Variants in COP1 observed in about 807,000 individuals in gnomAD.
The protein encoded by COP1 is COP1 E3 ubiquitin ligase.
COP1 carries 24 observed loss-of-function variants against 101.3 expected under a neutral mutation model. The ratio of observed to expected loss-of-function variants is 0.24; its 90% CI spans 0.17 to 0.33. The LOEUF (loss-of-function observed/expected upper bound fraction) is 0.33, where lower values mean the gene tolerates loss of function less well. COP1 is among the 10% of genes least tolerant of loss of function. The probability of loss-of-function intolerance (pLI) is 1.00; values close to 1 mark genes in which losing one functional copy is unlikely to be tolerated. For missense variants in COP1, 663 were observed against 906.2 expected, an observed-to-expected ratio of 0.73 and a Z score of 3.45; for synonymous variants, 347 against 341.9, an observed-to-expected ratio of 1.01 and a Z score of -0.17.
At chr1:176,146,871 TA>T (rs5778890) in intron 6 of COP1, among the ~76,000 whole-genome samples, 9,979 of 152,180 alleles carry the variant, frequency 0.066, 446 homozygotes, top group Non-Finnish European at 0.087. Flanking sequence ...GGAGAATCAG[TA>T]GGAAAAAATA....
At position 176,124,750 on chromosome 1, in the gene COP1, T is replaced by C. The variant is rs115357892; in HGVS notation, c.969-8069A>G. ...AAACATGGGAATGCAGATAACTCTT[T>C]CATGTATACGTTTCCTTTCTTTTGG... On this transcript the variant is annotated intron_variant, in intron 8 of 19. Coordinates refer to ENST00000367669, the MANE Select transcript of COP1 (RefSeq NM_022457.7). Among the ~76,000 whole-genome samples the C allele has an allele frequency of 3.0e-3, 456 of 152,306 alleles. 2 individuals carry two copies. The highest frequency in any genetic ancestry group is 0.01 in the African/African-American group (429 of 41,558).
At chr1:176,091,548 T>C (rs1040322884) in intron 9 of COP1, among the ~76,000 whole-genome samples, 5 of 152,058 alleles carry the variant, frequency 3.3e-5, no homozygotes, top group African/African-American at 9.7e-5. Flanking sequence ...CAAGTAACAA[T>C]ATATAAGTCA....
At chr1:176,167,327 T>C (rs1269835546) in intron 3 of COP1, among the ~76,000 whole-genome samples, 4 of 152,188 alleles carry the variant, frequency 2.6e-5, no homozygotes, top group South Asian at 4.1e-4. Flanking sequence ...ATTTATACTA[T>C]AGATTAAAGC....
At chr1:176,095,558 T>G (rs1411921483) in intron 9 of COP1, among the ~76,000 whole-genome samples, 4 of 152,118 alleles carry the variant, frequency 2.6e-5, no homozygotes, top group African/African-American at 9.7e-5. Flanking sequence ...GGCATACACC[T>G]GCAGTCCCAG....
intron 6 of COP1, among the ~76,000 whole-genome samples, chr1:176,140,552 G>C (rs1254769259): frequency 6.6e-6 from 1 of 152,120 alleles, no homozygotes; most frequent in African/African-American, 2.4e-5. Context: ...TTTAGTACTA[G>C]TAAATAGAAA....
At chr1:176,157,771 G>C (rs1011435052) in intron 5 of COP1, among the ~76,000 whole-genome samples, 1 of 152,090 alleles carries the variant, frequency 6.6e-6, no homozygotes, top group Non-Finnish European at 1.5e-5. Flanking sequence ...TAAGAAACAA[G>C]CATGCAAAGA....
At chr1:176,000,635 T>TA (rs1571547032) in intron 15 of COP1, among the ~76,000 whole-genome samples, 20 of 151,866 alleles carry the variant, frequency 1.3e-4, no homozygotes, top group Admixed American at 9.8e-4. Context: ...GTAAATATTT[T>TA]TAAAAAAATG....
At chr1:176,081,854 CAA>C (rs1207985226) in intron 10 of COP1, among the ~76,000 whole-genome samples, 5 of 151,804 alleles carry the variant, frequency 3.3e-5, no homozygotes, top group Non-Finnish European at 7.4e-5. Flanking sequence ...AAAAAACAAA[CAA>C]AAAAAGTTTG....
chr1:176,153,998 T>G (rs1234409640), intron 5 of COP1, among the ~76,000 whole-genome samples: 1 of 152,176 alleles, frequency 6.6e-6, no homozygotes, highest in African/African-American at 2.4e-5. Flanking sequence ...TTTGCCAGTA[T>G]TTTGTTGAGG....
At chr1:176,004,369 C>T (rs2148891094) in intron 15 of COP1, among the ~76,000 whole-genome samples, 1 of 133,314 alleles carries the variant, frequency 7.5e-6, no homozygotes, top group South Asian at 2.7e-4. Flanking sequence ...ATTGCCCTGG[C>T]CAGAACTTCC....
intron 5 of COP1, among the ~76,000 whole-genome samples, chr1:176,155,008 A>G (rs748752682): frequency 4.6e-5 from 7 of 152,220 alleles, no homozygotes; most frequent in Non-Finnish European, 1.0e-4. Context: ...GCTTAAAAGC[A>G]TAAGACGAAT....
chr1:176,103,706 ATAAT>A (rs1683828240), intron 9 of COP1, among the ~76,000 whole-genome samples: 1 of 152,252 alleles, frequency 6.6e-6, no homozygotes, highest in Non-Finnish European at 1.5e-5. Context: ...ATGTAAATCT[ATAAT>A]TATTAATATC....
chr1:176,133,527 G>A (rs1487690813), intron 8 of COP1, among the ~76,000 whole-genome samples: 1 of 151,728 alleles, frequency 6.6e-6, no homozygotes, highest in Admixed American at 6.6e-5. Context: ...CCCTTTTAGT[G>A]TCTCCCCCAA....
At chr1:175,990,432 CACTT>C (rs1416342126) in intron 15 of COP1, among the ~76,000 whole-genome samples, 2 of 152,066 alleles carry the variant, frequency 1.3e-5, no homozygotes, top group Admixed American at 6.5e-5. Context: ...CTGTTACTAA[CACTT>C]GCTTGAGAAG....
chr1:176,019,002 C>T (rs1280621436), intron 15 of COP1, among the ~76,000 whole-genome samples: 2 of 150,670 alleles, frequency 1.3e-5, no homozygotes, highest in African/African-American at 2.5e-5. Context: ...TCTGTCCCTA[C>T]TACAAATAAA....
At chr1:176,171,912 A>G in intron 3 of COP1, among the ~76,000 whole-genome samples, 1 of 152,240 alleles carries the variant, frequency 6.6e-6, no homozygotes, top group Non-Finnish European at 1.5e-5. Context: ...AAGCTTACTT[A>G]TATATTTTTA....
At chr1:176,146,348 G>A (rs543316696) in intron 6 of COP1, among the ~76,000 whole-genome samples, 33 of 152,230 alleles carry the variant, frequency 2.2e-4, no homozygotes, top group Admixed American at 1.4e-3. Context: ...AAAGATCCCC[G>A]CCTCTTAGTA....
chr1:176,118,020 ATTAC>A (rs1293476499), intron 8 of COP1, among the ~76,000 whole-genome samples: 1 of 152,262 alleles, frequency 6.6e-6, no homozygotes, highest in East Asian at 1.9e-4. Context: ...AAAATGATTA[ATTAC>A]TTAGTACTGA....
intron 14 of COP1, among the ~76,000 whole-genome samples, chr1:176,034,387 T>C (rs1669132827): frequency 6.6e-6 from 1 of 152,202 alleles, no homozygotes; most frequent in Non-Finnish European, 1.5e-5. Flanking sequence ...GAGAAGCTAA[T>C]ACTCAGAGTA....
Sources: allele counts gnomAD v4.1 joint callset (sites outside exome capture counted in the v4.1 genomes callset), GRCh38; gene constraint gnomAD v4.1.1; transcripts MANE v1.5; gene names NCBI Gene and HGNC (gene_info 2026-07-23, HGNC 2026-07-21).